PCDHGA7: variants seen among roughly 807,000 people sequenced by gnomAD.
PCDHGA7 encodes the protein protocadherin gamma subfamily A, 7, also known as protocadherin gamma-A7.
Under a neutral mutation model 58.3 loss-of-function variants are expected in PCDHGA7, and 44 were observed. The ratio of observed to expected loss-of-function variants is 0.75; its 90% CI spans 0.59 to 0.97. PCDHGA7 has a LOEUF of 0.97. Among genes scored for constraint, PCDHGA7 ranks in the 50% least tolerant of loss-of-function variants. PCDHGA7 has a pLI of 0.00. For missense variants in PCDHGA7, 1,266 were observed against 1,188.7 expected, an observed-to-expected ratio of 1.06 and a Z score of -0.96; for synonymous variants, 516 against 504.2, an observed-to-expected ratio of 1.02 and a Z score of -0.31.
rs1561856520 is a variant in PCDHGA7 at position 141,431,983 on chromosome 5, A to C, written c.2424+46660A>C. 3.1e-6 allele frequency: 5 copies of C among 1,614,242 alleles called. No homozygotes were observed. Among genetic ancestry groups the C allele is most frequent in the Non-Finnish European group, 4.2e-6 (5 of 1,180,036 alleles). ...ATTACTATAGTTTAGTCACAGACAT[A>C]GTCTTGGATAGGGAACAGGTTCCTA... On this transcript the variant is annotated intron_variant, in intron 1 of 3. Coordinates refer to ENST00000518325, the MANE Select transcript of PCDHGA7 (RefSeq NM_018920.4). The surrounding 1 kb of genome is among the most constrained non-coding windows in gnomAD (Gnocchi z 4.8).
chr5:141,433,812 G>A (rs535623556), intron 1 of PCDHGA7, among the ~76,000 whole-genome samples: 46 of 150,530 alleles, frequency 3.1e-4, no homozygotes, highest in African/African-American at 1.1e-3. Context: ...ACTCCAGCCT[G>A]GGCAACAAGA....
At chr5:141,471,860 A>G (rs1470502617) in intron 1 of PCDHGA7, among the ~76,000 whole-genome samples, 1 of 152,202 alleles carries the variant, frequency 6.6e-6, no homozygotes, top group Non-Finnish European at 1.5e-5. Flanking sequence ...AAAAAGCAAA[A>G]CTGTGGTTGC....
In PCDHGA7 at chr5:141,476,877, T is replaced by C. The variant is rs2099400648; in HGVS notation, c.2425-17930T>C. ...CAGTCCTTGTACCGGGCGCGCGTCC[T>C]GGAGGATGCACCCTCCGGCACGCGC... On this transcript the variant is annotated intron_variant, in intron 1 of 3. Transcript: ENST00000518325. This position sits in a 1 kb window ranked among gnomAD's most constrained non-coding sequence, Gnocchi z 7.6. 4.3e-6 allele frequency: 7 copies of C among 1,613,954 alleles called. No homozygotes were observed. The highest frequency in any genetic ancestry group is 5.9e-6 in the Non-Finnish European group (7 of 1,180,038).
At chr5:141,402,597 T>G (rs1268830791) in intron 1 of PCDHGA7, among the ~76,000 whole-genome samples, 1 of 152,254 alleles carries the variant, frequency 6.6e-6, no homozygotes, top group African/African-American at 2.4e-5. Context: ...TAGATTGCTT[T>G]TGAAATACAA....
At chr5:141,453,093 C>A (rs1408495535) in intron 1 of PCDHGA7, among the ~76,000 whole-genome samples, 1 of 151,928 alleles carries the variant, frequency 6.6e-6, no homozygotes, top group African/African-American at 2.4e-5. Context: ...AGTATATTTT[C>A]TGTTGCTTTT....
chr5:141,438,807 G>A (rs956766683), intron 1 of PCDHGA7, among the ~76,000 whole-genome samples: 13 of 149,270 alleles, frequency 8.7e-5, no homozygotes, highest in African/African-American at 1.7e-4. Context: ...GATTACAGGC[G>A]CCTGTCACCA....
At position 141,431,215 on chromosome 5, in the gene PCDHGA7, C is replaced by G. The variant is rs1225114172; in HGVS notation, c.2424+45892C>G. 1 of 1,614,184 alleles carries G rather than the reference C, an allele frequency of 6.2e-7. No individual in the cohort carries two copies. Among genetic ancestry groups the G allele is most frequent in the Admixed American group, 1.7e-5 (1 of 60,032 alleles). On this transcript the variant is annotated intron_variant, in intron 1 of 3. Coordinates refer to ENST00000518325, the MANE Select transcript of PCDHGA7 (RefSeq NM_018920.4). This position sits in a 1 kb window ranked among gnomAD's most constrained non-coding sequence, Gnocchi z 4.8. ...AAAATGCAGCCACTGAGATGCGGTTCCCTCTACCCCACGCCTGGGATCCGG... is the reference window on the plus strand; with the variant it reads ...AAAATGCAGCCACTGAGATGCGGTTGCCTCTACCCCACGCCTGGGATCCGG...
Position 141,477,691 on chromosome 5 carries a change from A to G in PCDHGA7, c.2425-17116A>G, listed in dbSNP as rs1315811441. 6.2e-7 allele frequency: 1 copy of G among 1,614,188 alleles called. No homozygotes were observed. Among genetic ancestry groups the G allele is most frequent in the South Asian group, 1.1e-5 (1 of 91,090 alleles). On this transcript the variant is annotated intron_variant, in intron 1 of 3. Coordinates refer to ENST00000518325, the MANE Select transcript of PCDHGA7 (RefSeq NM_018920.4). This position sits in a 1 kb window ranked among gnomAD's most constrained non-coding sequence, Gnocchi z 4.9. ...GCATAGTGTCATCCTTAGTGCCCCT[A>G]GACTATGAGGATCGGCGGGAATTTG...
chr5:141,486,823 A>G lies in PCDHGA7; in HGVS notation c.2425-7984A>G, dbSNP rs778308736. On this transcript the variant is annotated intron_variant, in intron 1 of 3. Coordinates refer to ENST00000518325, the MANE Select transcript of PCDHGA7 (RefSeq NM_018920.4). The surrounding 1 kb of genome is among the most constrained non-coding windows in gnomAD (Gnocchi z 5.0). Reference sequence around the variant, plus strand: ...ACCCACCCCTTAGCAGCACTGTAACAGTTCGTCTATTTGTGCTGGACCTCA... The same window carrying G: ...ACCCACCCCTTAGCAGCACTGTAACGGTTCGTCTATTTGTGCTGGACCTCA... 1.2e-6 allele frequency: 2 copies of G among 1,614,104 alleles called. No individual in the cohort carries two copies. Among genetic ancestry groups the G allele is most frequent in the Admixed American group, 1.7e-5 (1 of 60,008 alleles).
chr5:141,474,847 GCCTTCT>G (rs906863967), intron 1 of PCDHGA7, among the ~76,000 whole-genome samples: 3 of 152,198 alleles, frequency 2.0e-5, no homozygotes, highest in African/African-American at 7.2e-5. Context: ...CACTTTACCT[GCCTTCT>G]TCATTTAATA....
At position 141,384,405 on chromosome 5, in the gene PCDHGA7, C is replaced by T. The variant is rs1780049839; in HGVS notation, c.1506C>T (p.Ser502=). ...AEDTIQGAPV[S]SYVSINSDTG... is the part of the protein sequence containing the mutation. ...ACACCATCCAGGGGGCTCCAGTGTCCTCCTATGTCTCCATAAACTCTGACA... is the reference window on the plus strand; with the variant it reads ...ACACCATCCAGGGGGCTCCAGTGTCTTCCTATGTCTCCATAAACTCTGACA... The change falls in exon 1 of 4, where the codon TCC becomes TCT. Residue 502 remains serine, a synonymous_variant. Coordinates refer to ENST00000518325, the MANE Select transcript of PCDHGA7 (RefSeq NM_018920.4). 2 of 1,613,882 alleles carry T rather than the reference C, an allele frequency of 1.2e-6. No individual in the cohort carries two copies. Among genetic ancestry groups the T allele is most frequent in the Non-Finnish European group, 8.5e-7 (1 of 1,179,860 alleles).
chr5:141,417,782 C>T (rs2096161767), intron 1 of PCDHGA7: 1 of 1,473,310 alleles, frequency 6.8e-7, no homozygotes, highest in Non-Finnish European at 9.0e-7. Flanking sequence ...CTGTCCTGGG[C>T]CGAATGCTCT....
chr5:141,476,666 G>C lies in PCDHGA7; in HGVS notation c.2425-18141G>C, dbSNP rs2099395856. On this transcript the variant is annotated intron_variant, in intron 1 of 3. Coordinates refer to ENST00000518325, the MANE Select transcript of PCDHGA7 (RefSeq NM_018920.4). This position sits in a 1 kb window ranked among gnomAD's most constrained non-coding sequence, Gnocchi z 7.6. The stretch of plus-strand genomic sequence containing the variant: ...CCGAAATGAATACTTTGCGCTTCGC[G>C]TGCAGACGCGGGAGGACAGCACCAA... 6.2e-7 allele frequency: 1 copy of C among 1,614,246 alleles called. No individual in the cohort carries two copies. The highest frequency in any genetic ancestry group is 8.5e-7 in the Non-Finnish European group (1 of 1,180,044).
rs2099746867 is a variant in PCDHGA7, at chr5:141,493,199, C to T, written c.2425-1608C>T. Among the ~76,000 whole-genome samples the T allele has an allele frequency of 6.6e-6, 1 of 152,168 alleles. No individual in the cohort carries two copies. Among genetic ancestry groups the T allele is most frequent in the Non-Finnish European group, 1.5e-5 (1 of 68,020 alleles). ...CTTACTATATAACTCCTTTGAGAAC[C>T]TCATCTCATTTGCTCTTCCCACCAT... On this transcript the variant is annotated intron_variant, in intron 1 of 3. Coordinates refer to ENST00000518325, the MANE Select transcript of PCDHGA7 (RefSeq NM_018920.4). This position sits in a 1 kb window ranked among gnomAD's most constrained non-coding sequence, Gnocchi z 4.3.
intron 1 of PCDHGA7, chr5:141,428,413 C>A: frequency 2.2e-6 from 1 of 461,904 alleles, no homozygotes; most frequent in Non-Finnish European, 4.0e-6. Context: ...TTGCTTTCAC[C>A]CTGGTCTCTG....
chr5:141,488,606 C>T (rs781116401), intron 1 of PCDHGA7, among the ~76,000 whole-genome samples: 2 of 152,156 alleles, frequency 1.3e-5, no homozygotes, highest in Admixed American at 1.3e-4. Flanking sequence ...TTACAAGGTT[C>T]TTACTAATCT....
intron 2 of PCDHGA7, among the ~76,000 whole-genome samples, chr5:141,503,797 G>A (rs2099831309): frequency 6.6e-6 from 1 of 152,006 alleles, no homozygotes; most frequent in South Asian, 2.1e-4. Context: ...ATCTACTTAG[G>A]GACGGGGAAT....
chr5:141,427,820 G>A (rs2097075272), intron 1 of PCDHGA7: 2 of 1,532,144 alleles, frequency 1.3e-6, no homozygotes, highest in East Asian at 4.5e-5. Flanking sequence ...GCGGGGTGGT[G>A]GTCGCGCAGC....
chr5:141,384,494 T>C lies in PCDHGA7; in HGVS notation c.1595T>C (p.Val532Ala). The C allele has an allele frequency of 6.2e-7, 1 of 1,613,972 alleles. No individual in the cohort carries two copies. Among genetic ancestry groups the C allele is most frequent in the African/African-American group, 1.3e-5 (1 of 74,976 alleles). ...CAGTTGAGAGAACTACAACTAAGAGTGACTGCACATGACAGCGGGGACCCG... is the reference window on the plus strand; with the variant it reads ...CAGTTGAGAGAACTACAACTAAGAGCGACTGCACATGACAGCGGGGACCCG... The part of the protein sequence containing the change: ...YEQLRELQLR[V>A]TAHDSGDPPL... The change falls in exon 1 of 4, where the codon GTG (valine) becomes GCG (alanine). Residue 532 changes from valine (V) to alanine (A), a missense_variant. Coordinates refer to ENST00000518325, the MANE Select transcript of PCDHGA7 (RefSeq NM_018920.4).
Sources: gnomAD v4.1 joint callset for allele counts (sites outside exome capture counted in the v4.1 genomes callset) on GRCh38, gnomAD v4.1.1 for gene constraint, Gnocchi (gnomAD v3.1) non-coding constraint, MANE v1.5 for transcripts, NCBI Gene and HGNC (gene_info 2026-07-23, HGNC 2026-07-21) for gene names.